ASAP1: variants seen among roughly 807,000 people sequenced by gnomAD.
The protein encoded by ASAP1 is ArfGAP with SH3 domain, ankyrin repeat and PH domain 1.
ASAP1 carries 43 observed loss-of-function variants against 145.2 expected under a neutral mutation model. The ratio of observed to expected loss-of-function variants is 0.30; its 90% CI spans 0.23 to 0.38. The LOEUF (loss-of-function observed/expected upper bound fraction) is 0.38, where lower values mean the gene tolerates loss of function less well. ASAP1 is among the 10% of genes least tolerant of loss of function. ASAP1 has a pLI of 1.00. For missense variants in ASAP1, 1,018 were observed against 1,355.3 expected, an observed-to-expected ratio of 0.75 and a Z score of 3.91; for synonymous variants, 546 against 515.5, an observed-to-expected ratio of 1.06 and a Z score of -0.80.
At chr8:130,366,886 CTTTTTTTTT>C (rs905755447) in intron 2 of ASAP1, among the ~76,000 whole-genome samples, 2 of 99,206 alleles carry the variant, frequency 2.0e-5, no homozygotes, top group Non-Finnish European at 3.9e-5. Context: ...TGCTAGATTC[CTTTTTTTTT>C]TTTTTTTTTT....
Position 130,306,630 on chromosome 8 carries a change from A to G in ASAP1, c.186+51387T>C, listed in dbSNP as rs376087798. On this transcript the variant is annotated intron_variant, in intron 3 of 29. Coordinates refer to ENST00000518721, the MANE Select transcript of ASAP1 (RefSeq NM_018482.4). ...AATAACCTTAGGGCACAAGCGGAACAAACTCAGCTCTCTGCATAAGGTTAA... is the reference window on the plus strand; with the variant it reads ...AATAACCTTAGGGCACAAGCGGAACGAACTCAGCTCTCTGCATAAGGTTAA... Among the ~76,000 whole-genome samples, 187 of 152,364 alleles carry G rather than the reference A, an allele frequency of 1.2e-3. 3 individuals carry two copies. Among genetic ancestry groups the G allele is most frequent in the African/African-American group, 4.4e-3 (181 of 41,592 alleles).
intron 1 of ASAP1, among the ~76,000 whole-genome samples, chr8:130,415,395 G>A (rs117203453): frequency 0.034 from 5,174 of 152,270 alleles, 127 homozygotes; most frequent in Middle Eastern, 0.075. Context: ...TTGAGCCCTG[G>A]AGATTGAGGC....
intron 3 of ASAP1, among the ~76,000 whole-genome samples, chr8:130,264,591 G>C (rs1193720793): frequency 6.6e-6 from 1 of 151,938 alleles, no homozygotes; most frequent in Non-Finnish European, 1.5e-5. Flanking sequence ...GCTTTTTTTG[G>C]AACTATAACT....
chr8:130,365,552 T>C (rs1460143421), intron 2 of ASAP1, among the ~76,000 whole-genome samples: 3 of 152,212 alleles, frequency 2.0e-5, no homozygotes, highest in South Asian at 2.1e-4. Context: ...AAACTTACAA[T>C]ACACCCAGGT....
chr8:130,305,127 C>T (rs192428238), intron 3 of ASAP1, among the ~76,000 whole-genome samples: 1 of 152,282 alleles, frequency 6.6e-6, no homozygotes, highest in East Asian at 1.9e-4. Context: ...CATGAAGTCT[C>T]CCCTCCTGCT....
chr8:130,380,379 G>A (rs1827710001), intron 2 of ASAP1, among the ~76,000 whole-genome samples: 1 of 152,172 alleles, frequency 6.6e-6, no homozygotes, highest in Non-Finnish European at 1.5e-5. Flanking sequence ...TGAACTCCCA[G>A]CACTTCTGAC....
intron 1 of ASAP1, among the ~76,000 whole-genome samples, chr8:130,418,693 G>A (rs767331083): frequency 4.0e-5 from 6 of 151,474 alleles, no homozygotes; most frequent in Non-Finnish European, 5.9e-5. Context: ...ACACACCCCC[G>A]GCAAAAATAA....
rs1285342457 is a variant in ASAP1 at position 130,358,722 on chromosome 8, GCGCCCCGCCCCCGGCCCGGCCCC to G, written c.60-602_60-580del. Reference sequence around the variant, plus strand: ...CCGCCCCCCCGGTCCCTCCCCGCCCGCGCCCCGCCCCCGGCCCGGCCCCCGCCCCGCCCCGCCCCCGCTCGCGC... The same window carrying G: ...CCGCCCCCCCGGTCCCTCCCCGCCCGCGCCCCGCCCCGCCCCCGCTCGCGC... On this transcript the variant is annotated intron_variant, in intron 2 of 29. Coordinates refer to ENST00000518721, the MANE Select transcript of ASAP1 (RefSeq NM_018482.4). This position sits in a 1 kb window ranked among gnomAD's most constrained non-coding sequence, Gnocchi z 4.1. 7.7e-5 allele frequency among the ~76,000 whole-genome samples: 1 copy of G among 13,010 alleles called. No individual in the cohort carries two copies. The highest frequency in any genetic ancestry group is 1.5e-4 in the Non-Finnish European group (1 of 6,648). The allele number at this position is 13,010 out of a possible 152,430, so 8.5% of individuals were successfully genotyped here.
intron 13 of ASAP1, among the ~76,000 whole-genome samples, chr8:130,146,152 A>G (rs2097629517): frequency 6.6e-6 from 1 of 151,768 alleles, no homozygotes; most frequent in Non-Finnish European, 1.5e-5. Context: ...GAAACATTTT[A>G]AAGAACTCTA....
At chr8:130,268,228 G>A (rs1315378199) in intron 3 of ASAP1, among the ~76,000 whole-genome samples, 2 of 152,188 alleles carry the variant, frequency 1.3e-5, no homozygotes. Context: ...GCTCATGCCT[G>A]TAATCCCAGC....
chr8:130,168,764 T>C (rs1239958039), intron 10 of ASAP1, among the ~76,000 whole-genome samples: 1 of 152,196 alleles, frequency 6.6e-6, no homozygotes. Context: ...CTGGAACTGA[T>C]GGCTGTATAC....
chr8:130,276,299 A>G (rs921007725), intron 3 of ASAP1, among the ~76,000 whole-genome samples: 2 of 152,210 alleles, frequency 1.3e-5, no homozygotes, highest in Non-Finnish European at 2.9e-5. Flanking sequence ...AAGTGATTCC[A>G]TATACATTCT....
At chr8:130,152,057 G>GT (rs1445180415) in intron 13 of ASAP1, among the ~76,000 whole-genome samples, 4 of 152,186 alleles carry the variant, frequency 2.6e-5, no homozygotes, top group Non-Finnish European at 5.9e-5. Flanking sequence ...AAAGTCAGCT[G>GT]TAAGTCATAC....
intron 24 of ASAP1, among the ~76,000 whole-genome samples, chr8:130,111,046 T>C (rs2097545864): frequency 6.6e-6 from 1 of 151,748 alleles, no homozygotes; most frequent in South Asian, 2.1e-4. Context: ...TGTGAGACAT[T>C]TGACAACTCA....
At chr8:130,212,533 T>C (rs958672147) in intron 5 of ASAP1, among the ~76,000 whole-genome samples, 1 of 152,138 alleles carries the variant, frequency 6.6e-6, no homozygotes, top group African/African-American at 2.4e-5. Flanking sequence ...CTGTAACACA[T>C]ACTAATAGGG....
At chr8:130,385,253 G>A (rs957031183) in intron 2 of ASAP1, among the ~76,000 whole-genome samples, 1 of 152,178 alleles carries the variant, frequency 6.6e-6, no homozygotes, top group Non-Finnish European at 1.5e-5. Context: ...ATCACTTGAG[G>A]TCAGGAGTTC....
At chr8:130,242,312 G>GA (rs1020713589) in intron 3 of ASAP1, among the ~76,000 whole-genome samples, 10 of 131,508 alleles carry the variant, frequency 7.6e-5, no homozygotes, top group Admixed American at 1.5e-4. Flanking sequence ...AACTCACTTG[G>GA]AAAAAAAAAG....
At chr8:130,090,709 C>T (rs2097503718) in intron 25 of ASAP1, among the ~76,000 whole-genome samples, 1 of 152,194 alleles carries the variant, frequency 6.6e-6, no homozygotes, top group South Asian at 2.1e-4. Flanking sequence ...AGCATATGGA[C>T]TGAGAAGGCC....
chr8:130,196,929 T>C (rs909470864), intron 5 of ASAP1, among the ~76,000 whole-genome samples: 1 of 151,864 alleles, frequency 6.6e-6, no homozygotes, highest in Non-Finnish European at 1.5e-5. Flanking sequence ...AAGTGGCAGG[T>C]CAAAAAATAA....
Sources: allele counts gnomAD v4.1 joint callset (sites outside exome capture counted in the v4.1 genomes callset), GRCh38; gene constraint gnomAD v4.1.1; non-coding constraint Gnocchi (gnomAD v3.1); transcripts MANE v1.5; gene names NCBI Gene and HGNC (gene_info 2026-07-23, HGNC 2026-07-21).